Variants in ELP3 observed in about 807,000 individuals in gnomAD.
ELP3 encodes the protein elongator acetyltransferase complex subunit 3.
Under a neutral mutation model 74.9 loss-of-function variants are expected in ELP3, and 56 were observed. The ratio of observed to expected loss-of-function variants is 0.75; its 90% CI spans 0.60 to 0.93. ELP3 has a LOEUF of 0.93. Ranked by LOEUF, ELP3 falls within the 40% of genes least tolerant of loss-of-function variation. The pLI, the probability that ELP3 is intolerant of heterozygous loss-of-function variation, is 0.00. For missense variants in ELP3, 573 were observed against 686.5 expected, an observed-to-expected ratio of 0.83 and a Z score of 1.85; for synonymous variants, 222 against 239.8, an observed-to-expected ratio of 0.93 and a Z score of 0.68.
intron 10 of ELP3, among the ~76,000 whole-genome samples, chr8:28,155,055 T>A (rs1316725297): frequency 6.6e-6 from 1 of 152,152 alleles, no homozygotes; most frequent in Non-Finnish European, 1.5e-5. Context: ...ATTTAACATT[T>A]GAAGGGATAA....
At chr8:28,131,197 G>T (rs1237483850) in intron 8 of ELP3, among the ~76,000 whole-genome samples, 1 of 152,232 alleles carries the variant, frequency 6.6e-6, no homozygotes. Context: ...GGCTTGGAGA[G>T]AATGTGGGTT....
intron 14 of ELP3, among the ~76,000 whole-genome samples, chr8:28,172,449 G>C (rs888151624): frequency 7.9e-5 from 12 of 152,000 alleles, no homozygotes; most frequent in Admixed American, 6.5e-4. Flanking sequence ...ATTGTTCATT[G>C]TAAGCATATA....
intron 7 of ELP3, among the ~76,000 whole-genome samples, chr8:28,116,928 C>T (rs747484196): frequency 8.5e-5 from 13 of 152,098 alleles, no homozygotes; most frequent in South Asian, 2.1e-4. Flanking sequence ...CAAAGCCAGG[C>T]GACGGGGATG....
intron 7 of ELP3, chr8:28,129,301 C>G (rs930142938): frequency 1.8e-6 from 1 of 555,444 alleles, no homozygotes; most frequent in Non-Finnish European, 3.2e-6. Context: ...TTAAAGGAAC[C>G]GAAGCACAGA....
At chr8:28,116,614 C>T (rs1472064857) in intron 7 of ELP3, among the ~76,000 whole-genome samples, 1 of 152,128 alleles carries the variant, frequency 6.6e-6, no homozygotes, top group African/African-American at 2.4e-5. Context: ...GAGGCTGGTG[C>T]CTCTAGTCCC....
chr8:28,144,712 G>C (rs1813365831), intron 10 of ELP3, among the ~76,000 whole-genome samples: 2 of 152,208 alleles, frequency 1.3e-5, no homozygotes, highest in South Asian at 4.1e-4. Flanking sequence ...TTGGAATTCA[G>C]ACATTATCTA....
intron 14 of ELP3, among the ~76,000 whole-genome samples, chr8:28,176,253 A>G (rs918010644): frequency 2.0e-5 from 3 of 152,222 alleles, no homozygotes; most frequent in African/African-American, 4.8e-5. Flanking sequence ...GTCTGGTTCA[A>G]AAAAAGAAAA....
At chr8:28,122,381 C>T (rs1183734780) in intron 7 of ELP3, among the ~76,000 whole-genome samples, 1 of 152,184 alleles carries the variant, frequency 6.6e-6, no homozygotes, top group Non-Finnish European at 1.5e-5. Context: ...AATATGATTT[C>T]TTCCATAAAC....
chr8:28,189,549 G>C (rs1815373724), intron 14 of ELP3, 100 bp from the exon 15 acceptor site: 2 of 1,037,826 alleles, frequency 1.9e-6, no homozygotes, highest in Admixed American at 3.9e-5. Flanking sequence ...AGAGAATTTG[G>C]TCTCTGGGTG....
intron 14 of ELP3, among the ~76,000 whole-genome samples, chr8:28,171,813 C>A (rs1814540844): frequency 6.6e-6 from 1 of 151,938 alleles, no homozygotes; most frequent in East Asian, 1.9e-4. Flanking sequence ...GATCTTTGAC[C>A]TATTTTGAGT....
chr8:28,093,561 G>T, intron 1 of ELP3: 1 of 393,774 alleles, frequency 2.5e-6, no homozygotes, highest in Non-Finnish European at 4.6e-6. Context: ...GTTAAGATTT[G>T]TTTCACGACA....
At chr8:28,176,657 G>T (rs937499473) in intron 14 of ELP3, among the ~76,000 whole-genome samples, 1 of 151,990 alleles carries the variant, frequency 6.6e-6, no homozygotes, top group African/African-American at 2.4e-5. Flanking sequence ...TTTAGCAGAA[G>T]GATGAATCTC....
chr8:28,181,452 T>C (rs968825061), intron 14 of ELP3, among the ~76,000 whole-genome samples: 6 of 152,258 alleles, frequency 3.9e-5, no homozygotes, highest in South Asian at 2.1e-4. Flanking sequence ...TTGCCTGTTA[T>C]CAGACCCTTT....
chr8:28,178,922 T>C (rs1305421834), intron 14 of ELP3, among the ~76,000 whole-genome samples: 1 of 152,230 alleles, frequency 6.6e-6, no homozygotes, highest in Non-Finnish European at 1.5e-5. Context: ...TGTGTGCACA[T>C]GTGTGTGTGA....
chr8:28,155,067 T>TGAAAAGAGGAGG (rs1246520850), intron 10 of ELP3, among the ~76,000 whole-genome samples: 2 of 152,058 alleles, frequency 1.3e-5, no homozygotes, highest in African/African-American at 4.8e-5. Context: ...AAGGGATAAG[T>TGAAAAGAGGAGG]GAAAAGAGGA....
chr8:28,104,695 C>T lies in ELP3; in HGVS notation c.259-2018C>T, dbSNP rs61299877. On this transcript the variant is annotated intron_variant, in intron 3 of 14. Coordinates refer to ENST00000256398, the MANE Select transcript of ELP3 (RefSeq NM_018091.6). ...GTCTTTGGCCCGTGCCTCATAGAAG[C>T]AGCACTACGTTCTTCTCGTCATCTC... is the stretch of plus-strand genomic sequence containing the variant. Among the ~76,000 whole-genome samples, 734 of 152,306 alleles carry T rather than the reference C, an allele frequency of 4.8e-3. 4 individuals are homozygous for T. The highest frequency in any genetic ancestry group is 0.017 in the African/African-American group (698 of 41,570).
chr8:28,113,448 A>G (rs1812000234), intron 7 of ELP3, among the ~76,000 whole-genome samples: 1 of 31,318 alleles, frequency 3.2e-5, no homozygotes, highest in African/African-American at 4.5e-4. Flanking sequence ...GATTCGCCAA[A>G]TATGGTCCAT....
At chr8:28,116,251 A>G (rs1384678058) in intron 7 of ELP3, among the ~76,000 whole-genome samples, 1 of 152,156 alleles carries the variant, frequency 6.6e-6, no homozygotes, top group African/African-American at 2.4e-5. Context: ...GGGTAGCTCA[A>G]AGAGCCCATC....
At chr8:28,123,173 G>A (rs1812439822) in intron 7 of ELP3, among the ~76,000 whole-genome samples, 1 of 152,136 alleles carries the variant, frequency 6.6e-6, no homozygotes, top group Non-Finnish European at 1.5e-5. Flanking sequence ...TTTCCTCAAA[G>A]CACTGCTTTA....
Sources: gnomAD v4.1 joint callset for allele counts (sites outside exome capture counted in the v4.1 genomes callset) on GRCh38, gnomAD v4.1.1 for gene constraint, MANE v1.5 for transcripts, NCBI Gene and HGNC (gene_info 2026-07-23, HGNC 2026-07-21) for gene names.